The following CDH8 variants were observed in gnomAD, a reference collection of about 807,000 sequenced individuals.
CDH8 encodes cadherin-8.
Under a neutral mutation model 68.1 loss-of-function variants are expected in CDH8, and 17 were observed. The observed-to-expected ratio is 0.25, with a 90% confidence interval of 0.17 to 0.37. The LOEUF is 0.37. CDH8 is among the 10% of genes least tolerant of loss of function. The pLI is 1.00. For missense variants in CDH8, 763 were observed against 999.3 expected (o/e 0.76, Z 3.19); for synonymous variants, 372 against 365.1 (o/e 1.02, Z -0.21).
At chr16:61,926,152 G>GGTGTGTGTGTGTGTGT (rs61028306) in intron 2 of CDH8, among the ~76,000 whole-genome samples, 13 of 142,116 alleles carry the variant, frequency 9.1e-5, no homozygotes, top group African/African-American at 3.1e-4. Context: ...ACTCAGAAGG[G>GGTGTGTGTGTGTGTGT]GTGTGTGTGT....
At position 61,740,490 on chromosome 16, in the gene CDH8, A is replaced by G. The variant is rs4542655; in HGVS notation, c.1415-13275T>C. The stretch of plus-strand genomic sequence containing the variant: ...TTTCCCAGAATGAACGCACCCATGT[A>G]ACTATCACTTACATCAAGATATCCA... On this transcript the variant is annotated intron_variant, in intron 8 of 11. Transcript: ENST00000577390. Among the ~76,000 whole-genome samples the G allele has an allele frequency of 7.7e-3, 1,178 of 152,226 alleles. 11 individuals carry two copies. Among genetic ancestry groups the G allele is most frequent in the African/African-American group, 0.027 (1,101 of 41,538 alleles).
chr16:61,688,189 A>T (rs951914249), intron 10 of CDH8, among the ~76,000 whole-genome samples: 43 of 152,052 alleles, frequency 2.8e-4, no homozygotes, highest in Non-Finnish European at 4.6e-4. Flanking sequence ...TCATTGTGTC[A>T]CCTGCCAGTG....
intron 10 of CDH8, among the ~76,000 whole-genome samples, chr16:61,685,585 C>T (rs755670704): frequency 2.6e-5 from 4 of 151,662 alleles, no homozygotes; most frequent in Non-Finnish European, 4.4e-5. Context: ...GTTCAGTTTC[C>T]CTGTATATAA....
chr16:61,895,355 A>G (rs1963852944), intron 3 of CDH8, among the ~76,000 whole-genome samples: 1 of 152,170 alleles, frequency 6.6e-6, no homozygotes. Flanking sequence ...CAGCCACTTA[A>G]TATCTGACTT....
intron 8 of CDH8, among the ~76,000 whole-genome samples, chr16:61,756,773 T>C (rs1204929078): frequency 6.6e-6 from 1 of 152,200 alleles, no homozygotes; most frequent in Non-Finnish European, 1.5e-5. Context: ...GTACATGTTA[T>C]TGACCCTGGC....
chr16:61,993,567 GATAAA>G (rs1223676461), intron 2 of CDH8, among the ~76,000 whole-genome samples: 1 of 152,048 alleles, frequency 6.6e-6, no homozygotes, highest in Non-Finnish European at 1.5e-5. Context: ...AAATACATAT[GATAAA>G]ATAAAAAATA....
chr16:61,959,776 G>A (rs1441721913), intron 2 of CDH8, among the ~76,000 whole-genome samples: 1 of 148,312 alleles, frequency 6.7e-6, no homozygotes, highest in Non-Finnish European at 1.5e-5. Flanking sequence ...CACACACAGA[G>A]ACAGGGAGGA....
At chr16:61,960,407 A>ATGTGTG (rs1567546866) in intron 2 of CDH8, among the ~76,000 whole-genome samples, 1 of 116,478 alleles carries the variant, frequency 8.6e-6, no homozygotes, top group African/African-American at 4.4e-5. Context: ...ACATATATAC[A>ATGTGTG]TATATGTGTG....
intron 2 of CDH8, among the ~76,000 whole-genome samples, chr16:61,959,736 A>G (rs1965054122): frequency 6.6e-6 from 1 of 150,648 alleles, no homozygotes; most frequent in Non-Finnish European, 1.5e-5. Flanking sequence ...ACACACACAT[A>G]TGTATGATAT....
intron 2 of CDH8, among the ~76,000 whole-genome samples, chr16:61,960,407 A>ATGTGTGTGTG (rs1567546866): frequency 6.0e-5 from 7 of 116,520 alleles, no homozygotes; most frequent in Non-Finnish European, 6.7e-5. Flanking sequence ...ACATATATAC[A>ATGTGTGTGTG]TATATGTGTG....
chr16:62,032,478 C>A (rs1902350647), intron 1 of CDH8, among the ~76,000 whole-genome samples: 1 of 152,090 alleles, frequency 6.6e-6, no homozygotes, highest in Admixed American at 6.5e-5. Context: ...AAAGTTAGAC[C>A]ATTTCCTCTG....
intron 10 of CDH8, among the ~76,000 whole-genome samples, chr16:61,702,101 G>C (rs912573564): frequency 3.3e-5 from 5 of 152,146 alleles, no homozygotes; most frequent in Non-Finnish European, 5.9e-5. Context: ...GGCCAGGCGC[G>C]GTGGCTCACT....
In CDH8 at chr16:61,878,161, C is replaced by G. The variant is rs187930852; in HGVS notation, c.548-20923G>C. On this transcript the variant is annotated intron_variant, in intron 3 of 11. Transcript: ENST00000577390. ...AAAATTGAGTAATAAATTCCATTTT[C>G]TATCCCTGCTAAAGGCATCCTTAAT... Among the ~76,000 whole-genome samples the G allele has an allele frequency of 2.0e-5, 3 of 152,298 alleles. No homozygotes were observed. The East Asian group carries it at 5.8e-4, about 29-fold the overall frequency.
intron 7 of CDH8, among the ~76,000 whole-genome samples, chr16:61,812,267 AC>A (rs1022593539): frequency 3.2e-4 from 48 of 152,350 alleles, no homozygotes; most frequent in Middle Eastern, 3.4e-3. Flanking sequence ...ATGAACAGCC[AC>A]CCTGGTAACT....
chr16:61,961,918 A>T (rs939075894), intron 2 of CDH8, among the ~76,000 whole-genome samples: 3 of 152,116 alleles, frequency 2.0e-5, no homozygotes, highest in Admixed American at 2.0e-4. Context: ...TACAACTTTG[A>T]CTCCCCCAAA....
At chr16:61,996,840 C>T (rs190475418) in intron 2 of CDH8, among the ~76,000 whole-genome samples, 61 of 152,284 alleles carry the variant, frequency 4.0e-4, no homozygotes, top group African/African-American at 1.4e-3. Flanking sequence ...CTCACTCAGC[C>T]TCTCAAAGCG....
At chr16:61,870,380 G>A (rs1963334544) in intron 3 of CDH8, among the ~76,000 whole-genome samples, 1 of 152,164 alleles carries the variant, frequency 6.6e-6, no homozygotes, top group African/African-American at 2.4e-5. Flanking sequence ...TGTGTGAAGT[G>A]AGGAGCATTG....
intron 4 of CDH8, among the ~76,000 whole-genome samples, chr16:61,828,018 C>T (rs1962378887): frequency 6.6e-6 from 1 of 151,828 alleles, no homozygotes; most frequent in South Asian, 2.1e-4. Context: ...GCTGCATTCC[C>T]AGACAGTTAA....
chr16:61,799,899 A>C (rs1418051445), intron 7 of CDH8, among the ~76,000 whole-genome samples: 3 of 151,882 alleles, frequency 2.0e-5, no homozygotes, highest in Non-Finnish European at 4.4e-5. Flanking sequence ...TGGTCTATTA[A>C]CTCTTTTCCC....
Sources: gnomAD v4.1 joint callset for allele counts (sites outside exome capture counted in the v4.1 genomes callset) on GRCh38, gnomAD v4.1.1 for gene constraint, MANE v1.5 for transcripts, NCBI Gene and HGNC (gene_info 2026-07-23, HGNC 2026-07-21) for gene names.